COX7A1: variants seen among roughly 807,000 people sequenced by gnomAD.
COX7A1 encodes cytochrome c oxidase subunit 7A1, mitochondrial.
Under a neutral mutation model 13.2 loss-of-function variants are expected in COX7A1, and 21 were observed. The ratio of observed to expected loss-of-function variants is 1.59; its 90% CI spans 1.13 to 2.29. The LOEUF is 2.29. Ranked by LOEUF, COX7A1 falls within the 30% of genes most tolerant of loss-of-function variation. The pLI is 0.00. For synonymous variants in COX7A1, 41 were observed against 41.9 expected, an observed-to-expected ratio of 0.98 and a Z score of 0.08; for missense variants, 107 against 100.0, an observed-to-expected ratio of 1.07 and a Z score of -0.30.
In COX7A1 at chr19:36,152,153, A is replaced by T. The variant is rs1599890357; in HGVS notation, c.15+240T>A. On this transcript the variant is annotated intron_variant, in intron 1 of 3. Transcript: ENST00000292907. ...TGCCTGAGAAGGCCCGGGTGAGGCC[A>T]GTGTTAAGGGTTCCCGAGATGTCAA... The T allele has an allele frequency of 5.3e-6, 3 of 570,692 alleles. No individual in the cohort carries two copies. In the East Asian group the frequency reaches 9.0e-5, roughly 17 times the overall value. 35.4% of individuals were successfully genotyped at this position (570,692 alleles called of 1,614,324 possible). A position where few individuals can be genotyped will look rare whatever the true frequency, so the allele number is the denominator to read the frequency against.
rs1328285439 is a variant in COX7A1, at chr19:36,150,984, A to T, written c.238T>A (p.Ter80LysextTer8). The T allele has an allele frequency of 6.2e-7, 1 of 1,613,842 alleles. No individual in the cohort carries two copies. Among genetic ancestry groups the T allele is most frequent in the East Asian group, 2.2e-5 (1 of 44,890 alleles). ...SLGWASFPRN* is the reference protein window; with the variant it reads ...SLGWASFPRNK ...CAGGCCCCCCAGGCTTCTTGGTCTT[A>T]ATTCCTGGGGAAGGAGGCCCAGCCA... Residue 80 changes from the stop codon to lysine (K), a stop_lost, in exon 4 of 4, where the codon TAA (stop) becomes AAA (lysine). Coordinates refer to ENST00000292907, the MANE Select transcript of COX7A1 (RefSeq NM_001864.4).
At chr19:36,151,610 CCCCGGCTCGGCGCGCT>C in intron 2 of COX7A1, 43 bp downstream of exon 2, 1 of 1,610,350 alleles carries the variant, frequency 6.2e-7, no homozygotes, top group Non-Finnish European at 8.5e-7. Context: ...GCCCCGCCTG[CCCCGGCTCGGCGCGCT>C]CCCGGCTGGC....
chr19:36,151,140 T>A, intron 3 of COX7A1, 106 bp from the exon 4 acceptor site: 1 of 1,181,646 alleles, frequency 8.5e-7, no homozygotes. Context: ...GGACCCCAGC[T>A]CTAGTTCGGA....
At chr19:36,151,929 G>A (rs189498848) in intron 1 of COX7A1, 174 bp from the exon 2 acceptor site, 1 of 737,948 alleles carries the variant, frequency 1.4e-6, no homozygotes, top group South Asian at 1.5e-5. Context: ...TGGGTTGGGA[G>A]GGGACTCGCC....
chr19:36,152,358 G>A, intron 1 of COX7A1, 35 bp downstream of exon 1: 2 of 1,322,826 alleles, frequency 1.5e-6, no homozygotes, highest in African/African-American at 1.5e-5. Flanking sequence ...GGTTTTCTGG[G>A]TGGGGGGCTC....
chr19:36,151,645 T>TGCCCCCGGGGGCCCCCCC, intron 2 of COX7A1, 24 bp downstream of exon 2: 1 of 1,387,630 alleles, frequency 7.2e-7, no homozygotes, highest in Non-Finnish European at 9.9e-7. Flanking sequence ...GCGCGTCGGA[T>TGCCCCCGGGGGCCCCCCC]CCCCACCCCC....
rs372662024 is a variant in COX7A1 at position 36,151,566 on chromosome 19, A to C, written c.103-20T>G. On this transcript the variant is annotated intron_variant, in intron 2 of 3. Transcript: ENST00000292907. Reference sequence around the variant, plus strand: ...GTCCTCCTGGATGTGGGGGTGTCTGATGAGAAAGGGGTGCTGGCTGCTCCT... The same window carrying C: ...GTCCTCCTGGATGTGGGGGTGTCTGCTGAGAAAGGGGTGCTGGCTGCTCCT... 2 of 1,613,834 alleles carry C rather than the reference A, an allele frequency of 1.2e-6. No individual in the cohort carries two copies. Among genetic ancestry groups the C allele is most frequent in the African/African-American group, 2.7e-5 (2 of 74,956 alleles).
At position 36,151,016 on chromosome 19, in the gene COX7A1, T is replaced by A; in HGVS notation, c.206A>T (p.Tyr69Phe). 1 of 1,613,818 alleles carries A rather than the reference T, an allele frequency of 6.2e-7. No individual in the cohort carries two copies. The highest frequency in any genetic ancestry group is 8.5e-7 in the Non-Finnish European group (1 of 1,179,894). The change falls in exon 4 of 4, where the codon TAC becomes TTC. Residue 69 changes from tyrosine to phenylalanine, a missense_variant. Tyr to Phe is a conservative substitution (Grantham distance 22). Transcript: ENST00000292907. ...GGGGAAGGAGGCCCAGCCAAGGGAG[T>A]ACAAGCTGTAGACAGTGCCTAGAAA... Reference protein sequence around the residue: ...LCLGGTVYSLYSLGWASFPRN With the variant: ...LCLGGTVYSLFSLGWASFPRN
Position 36,152,387 on chromosome 19 carries a change from C to A in COX7A1, c.15+6G>T. The A allele has an allele frequency of 1.5e-6, 2 of 1,358,318 alleles. No individual in the cohort carries two copies. The highest frequency in any genetic ancestry group is 2.9e-5 in the Admixed American group (1 of 33,924). 84.1% of individuals were successfully genotyped at this position (1,358,318 alleles called of 1,614,324 possible). ...GGGGCTCCGGCCCAGCCCATGGGGGCCTCACCCGAAGGGCCTGCATTCTGC... is the reference window on the plus strand; with the variant it reads ...GGGGCTCCGGCCCAGCCCATGGGGGACTCACCCGAAGGGCCTGCATTCTGC... On this transcript the variant is annotated splice_donor_region_variant and intron_variant, in intron 1 of 3. Transcript: ENST00000292907.
chr19:36,151,836 C>T (rs1974777998), intron 1 of COX7A1, 81 bp from the exon 2 acceptor site: 2 of 1,229,994 alleles, frequency 1.6e-6, no homozygotes, highest in African/African-American at 1.5e-5. Context: ...GAGGCCTGGA[C>T]GTGGGGACAG....
chr19:36,151,376 C>T lies in COX7A1; in HGVS notation c.187+86G>A. On this transcript the variant is annotated intron_variant, in intron 3 of 3. Coordinates refer to ENST00000292907, the MANE Select transcript of COX7A1 (RefSeq NM_001864.4). ...TAAACGCCAACCCCCAACCCAGATC[C>T]TGGTCAGTCCTGCCCAGAAACCAGC... is the stretch of plus-strand genomic sequence containing the variant. The T allele has an allele frequency of 2.7e-6, 4 of 1,457,738 alleles. No homozygotes were observed. In the Admixed American group the frequency reaches 5.4e-5, roughly 20 times the overall value. The allele number at this position is 1,457,738 out of a possible 1,614,324, so 90.3% of individuals were successfully genotyped here.
chr19:36,151,645 T>TACCCCCCCCCCCCCCCCCCC, intron 2 of COX7A1, 24 bp downstream of exon 2: 1 of 1,387,630 alleles, frequency 7.2e-7, no homozygotes, highest in Non-Finnish European at 9.9e-7. Context: ...GCGCGTCGGA[T>TACCCCCCCCCCCCCCCCCCC]CCCCACCCCC....
At chr19:36,151,633 T>G in intron 2 of COX7A1, 36 bp downstream of exon 2, 3 of 1,603,286 alleles carry the variant, frequency 1.9e-6, no homozygotes, top group South Asian at 1.1e-5. Context: ...CGCTCCCGGC[T>G]GGCGCGTCGG....
chr19:36,151,645 T>TGGGCCCC, intron 2 of COX7A1, 24 bp downstream of exon 2: 2 of 1,387,628 alleles, frequency 1.4e-6, no homozygotes, highest in Non-Finnish European at 2.0e-6. Context: ...GCGCGTCGGA[T>TGGGCCCC]CCCCACCCCC....
chr19:36,151,770 G>A lies in COX7A1; in HGVS notation c.16-15C>T, dbSNP rs1369152269. On this transcript the variant is annotated splice_polypyrimidine_tract_variant and intron_variant, in intron 1 of 3. Coordinates refer to ENST00000292907, the MANE Select transcript of COX7A1 (RefSeq NM_001864.4). ...GCCTGGGACACCTGCGGGGTGGGAG[G>A]TGGGCGGGTATTGGAGGCACCTGGA... 6.3e-7 allele frequency: 1 copy of A among 1,586,664 alleles called. No individual in the cohort carries two copies. Among genetic ancestry groups the A allele is most frequent in the Non-Finnish European group, 8.6e-7 (1 of 1,166,738 alleles).
chr19:36,151,238 C>T (rs1228789273), intron 3 of COX7A1, among the ~76,000 whole-genome samples: 6 of 152,154 alleles, frequency 3.9e-5, no homozygotes, highest in Non-Finnish European at 7.3e-5. Context: ...CCCGACTCCT[C>T]CCTGGGCCTC....
rs1342116994 is a variant in COX7A1, at chr19:36,151,493, C to T, written c.156G>A (p.Leu52=). Residue 52 remains leucine (L), a synonymous_variant, in exon 3 of 4, where the codon CTG becomes CTA. Coordinates refer to ENST00000292907, the MANE Select transcript of COX7A1 (RefSeq NM_001864.4). The part of the protein sequence containing the change: ...YLKGGIVDNI[L]YRVTMTLCLG... Reference sequence around the variant, plus strand: ...GACACAGCGTCATTGTCACTCGGTACAGGATGTTGTCAACGATGCCGCCCT... The same window carrying T: ...GACACAGCGTCATTGTCACTCGGTATAGGATGTTGTCAACGATGCCGCCCT... 2.2e-5 allele frequency: 35 copies of T among 1,614,110 alleles called. No homozygotes were observed. Among genetic ancestry groups the T allele is most frequent in the Non-Finnish European group, 2.9e-5 (34 of 1,180,038 alleles).
chr19:36,151,559 G>C lies in COX7A1; in HGVS notation c.103-13C>G. 2 of 1,614,116 alleles carry C rather than the reference G, an allele frequency of 1.2e-6. No homozygotes were observed. Among genetic ancestry groups the C allele is most frequent in the Admixed American group, 1.7e-5 (1 of 60,014 alleles). On this transcript the variant is annotated splice_polypyrimidine_tract_variant and intron_variant, in intron 2 of 3. Transcript: ENST00000292907. ...TGTCATTGTCCTCCTGGATGTGGGG[G>C]TGTCTGATGAGAAAGGGGTGCTGGC...
At chr19:36,151,899 G>A in intron 1 of COX7A1, 144 bp from the exon 2 acceptor site, 2 of 806,612 alleles carry the variant, frequency 2.5e-6, no homozygotes, top group Non-Finnish European at 4.3e-6. Context: ...CTTGGATTCT[G>A]TTACCCGCGA....
Sources: allele counts gnomAD v4.1 joint callset (sites outside exome capture counted in the v4.1 genomes callset), GRCh38; gene constraint gnomAD v4.1.1; transcripts MANE v1.5; gene names NCBI Gene and HGNC (gene_info 2026-07-23, HGNC 2026-07-21).